The following FRAS1 variants were observed in gnomAD, a reference collection of about 807,000 sequenced individuals.
FRAS1 encodes the protein Fraser extracellular matrix complex subunit 1.
FRAS1 carries 290 observed loss-of-function variants against 435.2 expected under a neutral mutation model. The observed-to-expected ratio is 0.67, with a 90% CI of 0.61 to 0.73. The LOEUF is 0.73. Among genes scored for constraint, FRAS1 ranks in the 30% least tolerant of loss-of-function variants. FRAS1 has a pLI of 0.00. For missense variants in FRAS1, 4,860 were observed against 5,001.5 expected (o/e 0.97, Z 0.85); for synonymous variants, 1,800 against 1,851.0 (o/e 0.97, Z 0.71).
At position 78,191,903 on chromosome 4, in the gene FRAS1, A is replaced by G. The variant is rs554545696; in HGVS notation, c.109-45607A>G. Reference sequence around the variant, plus strand: ...TTTTTATGGCTGTATAGTATTCCATAGTGTATATGTGCCACATTTTCTTAA... The same window carrying G: ...TTTTTATGGCTGTATAGTATTCCATGGTGTATATGTGCCACATTTTCTTAA... On this transcript the variant is annotated intron_variant, in intron 2 of 73. Coordinates refer to ENST00000512123, the MANE Select transcript of FRAS1 (RefSeq NM_025074.7). 2.8e-4 allele frequency among the ~76,000 whole-genome samples: 43 copies of G among 152,246 alleles called. No individual in the cohort carries two copies. The East Asian group carries it at 7.1e-3, about 25-fold the overall frequency.
intron 1 of FRAS1, 65 bp from the exon 2 acceptor site, chr4:78,065,920 G>C: frequency 8.2e-7 from 1 of 1,218,772 alleles, no homozygotes; most frequent in Non-Finnish European, 1.2e-6. Flanking sequence ...CAGCAAGCTT[G>C]CTGGGGCAGT....
chr4:78,150,372 C>G (rs776898806), intron 2 of FRAS1, among the ~76,000 whole-genome samples: 1 of 152,172 alleles, frequency 6.6e-6, no homozygotes, highest in Non-Finnish European at 1.5e-5. Flanking sequence ...TTTTGGTCCG[C>G]TTTTGGTCTT....
At chr4:78,142,813 A>G (rs953076652) in intron 2 of FRAS1, among the ~76,000 whole-genome samples, 4 of 152,194 alleles carry the variant, frequency 2.6e-5, no homozygotes, top group African/African-American at 4.8e-5. Context: ...GATTGGATTT[A>G]TATTAGTCAA....
chr4:78,294,614 T>C lies in FRAS1; in HGVS notation c.1534+8075T>C, dbSNP rs538560787. ...CCATGTGGACCTGCCAAAGCCTTCA[T>C]TGGCTGGGAAGTAATTTCCTTTGGT... On this transcript the variant is annotated intron_variant, in intron 14 of 73. Transcript: ENST00000512123. Among the ~76,000 whole-genome samples the C allele has an allele frequency of 3.9e-5, 6 of 152,362 alleles. No homozygotes were observed. The East Asian group carries it at 1.2e-3, about 29-fold the overall frequency.
At chr4:78,140,611 G>GTA (rs2109996572) in intron 2 of FRAS1, among the ~76,000 whole-genome samples, 1 of 149,708 alleles carries the variant, frequency 6.7e-6, no homozygotes, top group East Asian at 2.0e-4. Context: ...AGAAACTGTG[G>GTA]TATATATATG....
intron 20 of FRAS1, among the ~76,000 whole-genome samples, chr4:78,344,107 C>G (rs753805218): frequency 1.3e-5 from 2 of 151,040 alleles, no homozygotes; most frequent in Non-Finnish European, 2.9e-5. Flanking sequence ...GGTTCAGATT[C>G]CTTCCCCTCC....
At chr4:78,442,575 C>T (rs369308622) in intron 41 of FRAS1, among the ~76,000 whole-genome samples, 7 of 152,200 alleles carry the variant, frequency 4.6e-5, no homozygotes, top group Non-Finnish European at 7.3e-5. Context: ...CTTCTCTCTG[C>T]GTGGTTTCTT....
In FRAS1 at chr4:78,445,827, T is replaced by C. The variant is rs78314110; in HGVS notation, c.5856+115T>C. The C allele has an allele frequency of 5.1e-3, 7,229 of 1,418,430 alleles. 298 individuals are homozygous for C. The African/African-American group carries it at 0.09, about 18-fold the overall frequency. 87.9% of individuals were successfully genotyped at this position (1,418,430 alleles called of 1,614,324 possible). ...AGAAGATTGGATTTGACCTTCAAAA[T>C]TGAAGGTCGTTCTTAAAATATAGCC... On this transcript the variant is annotated intron_variant, in intron 42 of 73. Coordinates refer to ENST00000512123, the MANE Select transcript of FRAS1 (RefSeq NM_025074.7).
intron 41 of FRAS1, 32 bp downstream of exon 41, chr4:78,441,329 T>C: frequency 1.3e-6 from 2 of 1,593,530 alleles, no homozygotes; most frequent in Non-Finnish European, 1.7e-6. Flanking sequence ...TTAAGGACCT[T>C]GAGAGAAGGG....
chr4:78,240,977 T>G (rs555365330), intron 3 of FRAS1, among the ~76,000 whole-genome samples: 11 of 152,112 alleles, frequency 7.2e-5, no homozygotes, highest in African/African-American at 2.7e-4. Context: ...GAGGAGAACT[T>G]AATATGGCCC....
chr4:78,077,005 C>T (rs1212037332), intron 2 of FRAS1, among the ~76,000 whole-genome samples: 2 of 152,136 alleles, frequency 1.3e-5, no homozygotes, highest in Non-Finnish European at 1.5e-5. Flanking sequence ...TGTTTTTATG[C>T]GAACTTATTA....
intron 6 of FRAS1, among the ~76,000 whole-genome samples, chr4:78,258,722 A>ATTT (rs903664591): frequency 7.2e-6 from 1 of 138,194 alleles, no homozygotes; most frequent in Non-Finnish European, 1.6e-5. Context: ...TATTATTATT[A>ATTT]TACTTTAAGT....
At chr4:78,476,136 C>T (rs139310801) in intron 54 of FRAS1, among the ~76,000 whole-genome samples, 107 of 152,322 alleles carry the variant, frequency 7.0e-4, no homozygotes, top group African/African-American at 2.5e-3. Flanking sequence ...GATGATGATG[C>T]CTCTTGCTAG....
intron 2 of FRAS1, among the ~76,000 whole-genome samples, chr4:78,122,161 G>A (rs922496251): frequency 1.3e-5 from 2 of 152,016 alleles, no homozygotes; most frequent in African/African-American, 4.8e-5. Flanking sequence ...AGTGTGTGAT[G>A]TTCCCTTCCC....
intron 2 of FRAS1, among the ~76,000 whole-genome samples, chr4:78,114,862 C>T (rs2109947733): frequency 6.6e-6 from 1 of 152,318 alleles, no homozygotes; most frequent in East Asian, 1.9e-4. Context: ...ACTTCCAACA[C>T]TATGTTGAAT....
intron 2 of FRAS1, among the ~76,000 whole-genome samples, chr4:78,092,403 C>T (rs746109138): frequency 1.3e-5 from 2 of 152,098 alleles, no homozygotes; most frequent in Non-Finnish European, 2.9e-5. Context: ...GCCTCACAAT[C>T]GTGGTGGAAG....
rs1044535956 is a variant in FRAS1 at position 78,278,874 on chromosome 4, A to G, written c.1071+130A>G. ...AAATGTTATTGTGCACCTACTGTAC[A>G]ACAGGCTCTGGGGACACAGAAGGGA... On this transcript the variant is annotated intron_variant, in intron 10 of 73. Coordinates refer to ENST00000512123, the MANE Select transcript of FRAS1 (RefSeq NM_025074.7). The G allele has an allele frequency of 2.4e-5, 15 of 632,620 alleles. 1 individual carries two copies. The highest frequency in any genetic ancestry group is 3.4e-5 in the Non-Finnish European group (12 of 356,740). The allele number at this position is 632,620 out of a possible 1,614,324, so 39.2% of individuals were successfully genotyped here.
At position 78,489,915 on chromosome 4, in the gene FRAS1, A is replaced by C. The variant is rs995757193; in HGVS notation, c.8958+835A>C. 6.8e-5 allele frequency among the ~76,000 whole-genome samples: 10 copies of C among 146,398 alleles called. 1 individual carries two copies. Among genetic ancestry groups the C allele is most frequent in the East Asian group, 4.1e-4 (2 of 4,912 alleles). Reference sequence around the variant, plus strand: ...GCAGAGTATTCTCTTGACAATGTACATGAAATCTCATGCATATGCACCTAG... The same window carrying C: ...GCAGAGTATTCTCTTGACAATGTACCTGAAATCTCATGCATATGCACCTAG... On this transcript the variant is annotated intron_variant, in intron 59 of 73. Transcript: ENST00000512123.
At chr4:78,113,298 G>A (rs764843871) in intron 2 of FRAS1, among the ~76,000 whole-genome samples, 21 of 152,286 alleles carry the variant, frequency 1.4e-4, no homozygotes, top group Non-Finnish European at 1.9e-4. Flanking sequence ...AAGTGTGCAC[G>A]TGTCTTTATA....
Sources: gnomAD v4.1 joint callset for allele counts (sites outside exome capture counted in the v4.1 genomes callset) on GRCh38, gnomAD v4.1.1 for gene constraint, MANE v1.5 for transcripts, NCBI Gene and HGNC (gene_info 2026-07-23, HGNC 2026-07-21) for gene names.